The following MTREX variants were observed in gnomAD, a reference collection of about 807,000 sequenced individuals.
MTREX encodes the protein exosome RNA helicase MTR4.
MTREX carries 76 observed loss-of-function variants against 135.4 expected under a neutral mutation model. That is an observed-to-expected ratio of 0.56 (90% CI 0.47 to 0.68). MTREX has a LOEUF of 0.68. Among genes scored for constraint, MTREX ranks in the 30% least tolerant of loss-of-function variants. The pLI is 0.00. For synonymous variants in MTREX, 404 were observed against 401.6 expected (o/e 1.01, Z -0.07); for missense variants, 920 against 1,262.1 (o/e 0.73, Z 4.11).
chr5:55,372,519 C>T (rs554870907), intron 16 of MTREX, among the ~76,000 whole-genome samples: 20 of 152,164 alleles, frequency 1.3e-4, no homozygotes, highest in South Asian at 6.2e-4. Context: ...TGTGGGGATA[C>T]GTGCACTATT....
chr5:55,311,908 C>T (rs1368604122), intron 1 of MTREX, among the ~76,000 whole-genome samples: 1 of 151,960 alleles, frequency 6.6e-6, no homozygotes, highest in Non-Finnish European at 1.5e-5. Flanking sequence ...CAGCTTGTAG[C>T]TTGTATATGT....
chr5:55,400,174 G>T, intron 20 of MTREX, 59 bp from the exon 21 acceptor site: 1 of 1,275,542 alleles, frequency 7.8e-7, no homozygotes, highest in East Asian at 2.3e-5. Context: ...ACACTGATTT[G>T]GTTTGGTCTT....
At chr5:55,345,064 A>C (rs1749707975) in intron 9 of MTREX, 30 bp from the exon 10 acceptor site, 1 of 1,308,338 alleles carries the variant, frequency 7.6e-7, no homozygotes, top group Non-Finnish European at 1.1e-6. Flanking sequence ...AGTATTAGTG[A>C]AGTTACACAG....
intron 10 of MTREX, among the ~76,000 whole-genome samples, chr5:55,345,853 A>G (rs1749724256): frequency 6.6e-6 from 1 of 151,810 alleles, no homozygotes; most frequent in Admixed American, 6.6e-5. Flanking sequence ...TTTTTAGTAG[A>G]GACGGGGTTT....
chr5:55,362,083 A>ATTTTTTTTTTTTTTTTTTTTT (rs35074192), intron 15 of MTREX, among the ~76,000 whole-genome samples: 7 of 111,156 alleles, frequency 6.3e-5, no homozygotes, highest in African/African-American at 2.3e-4. Context: ...CGTCTGGCTA[A>ATTTTTTTTTTTTTTTTTTTTT]TTTTTTTTTT....
intron 20 of MTREX, among the ~76,000 whole-genome samples, chr5:55,398,080 A>T (rs1366341602): frequency 1.3e-5 from 2 of 152,254 alleles, no homozygotes; most frequent in South Asian, 2.1e-4. Context: ...AAACTAATTT[A>T]AAAAGAAATT....
intron 22 of MTREX, among the ~76,000 whole-genome samples, chr5:55,407,103 G>T (rs1165455366): frequency 6.6e-6 from 1 of 152,158 alleles, no homozygotes; most frequent in Non-Finnish European, 1.5e-5. Context: ...ACTCAGCATG[G>T]CCAGGATGGA....
intron 3 of MTREX, among the ~76,000 whole-genome samples, chr5:55,326,862 C>A (rs772531266): frequency 6.6e-6 from 1 of 152,116 alleles, no homozygotes; most frequent in Non-Finnish European, 1.5e-5. Context: ...CCCCACCTCT[C>A]TACAGGCCCC....
intron 1 of MTREX, among the ~76,000 whole-genome samples, chr5:55,311,159 A>G (rs1020149007): frequency 6.6e-6 from 1 of 152,194 alleles, no homozygotes; most frequent in Admixed American, 6.5e-5. Context: ...GAAGAGCTTC[A>G]TGTACTCATA....
At chr5:55,380,812 G>C (rs909795541) in intron 18 of MTREX, among the ~76,000 whole-genome samples, 1 of 152,094 alleles carries the variant, frequency 6.6e-6, no homozygotes, top group Non-Finnish European at 1.5e-5. Flanking sequence ...GGTAATGCAG[G>C]CCTCATAGAA....
intron 1 of MTREX, among the ~76,000 whole-genome samples, chr5:55,309,803 A>G (rs1470946084): frequency 6.6e-6 from 1 of 152,162 alleles, no homozygotes; most frequent in Non-Finnish European, 1.5e-5. Context: ...AAGTGACACA[A>G]CACAGAACTT....
intron 6 of MTREX, among the ~76,000 whole-genome samples, chr5:55,340,407 T>C (rs1362266614): frequency 6.6e-6 from 1 of 152,204 alleles, no homozygotes; most frequent in Non-Finnish European, 1.5e-5. Context: ...GATACATTTT[T>C]TTCTTCAGGT....
intron 22 of MTREX, among the ~76,000 whole-genome samples, chr5:55,409,573 A>G (rs951747231): frequency 6.6e-6 from 1 of 152,202 alleles, no homozygotes. Flanking sequence ...ATGTTTCACA[A>G]TTATGGAGCA....
intron 18 of MTREX, among the ~76,000 whole-genome samples, chr5:55,380,897 C>T (rs1008216668): frequency 5.9e-5 from 9 of 152,112 alleles, no homozygotes; most frequent in Admixed American, 1.3e-4. Flanking sequence ...ATATTTTTTC[C>T]CAATATCTTC....
chr5:55,316,288 AG>A (rs1158057346), intron 1 of MTREX, among the ~76,000 whole-genome samples: 1 of 152,196 alleles, frequency 6.6e-6, no homozygotes, highest in East Asian at 1.9e-4. Context: ...TTATTATGTG[AG>A]GCCAGCATCA....
chr5:55,358,364 A>T (rs1486374297), intron 14 of MTREX, among the ~76,000 whole-genome samples: 3 of 152,152 alleles, frequency 2.0e-5, no homozygotes, highest in South Asian at 2.1e-4. Context: ...TTGTTATGTC[A>T]GTGTGATGTC....
chr5:55,369,648 A>G (rs1195332729), intron 16 of MTREX, among the ~76,000 whole-genome samples: 1 of 152,204 alleles, frequency 6.6e-6, no homozygotes, highest in Non-Finnish European at 1.5e-5. Flanking sequence ...ATGAACTTAA[A>G]CATTCCACCA....
chr5:55,405,359 GAATA>G, intron 21 of MTREX, 62 bp from the exon 22 acceptor site: 1 of 1,353,112 alleles, frequency 7.4e-7, no homozygotes, highest in Admixed American at 2.1e-5. Context: ...TTGATTTCAT[GAATA>G]AATCTCCTTG....
In MTREX at chr5:55,344,570, T is replaced by G; in HGVS notation, c.955T>G (p.Tyr319Asp). 6.2e-7 allele frequency: 1 copy of G among 1,612,434 alleles called. No homozygotes were observed. The highest frequency in any genetic ancestry group is 8.5e-7 in the Non-Finnish European group (1 of 1,178,786). Residue 319 changes from tyrosine to aspartate, a missense_variant, in exon 9 of 27, where the codon TAC becomes GAC. Physicochemically the swap from Tyr to Asp is radical, Grantham distance 160. Coordinates refer to ENST00000230640, the MANE Select transcript of MTREX (RefSeq NM_015360.5). Reference protein sequence around the residue: ...TDYRPTPLQHYIFPAGGDGLH... With the variant: ...TDYRPTPLQHDIFPAGGDGLH... ...TTATCGGCCCACTCCATTGCAACAC[T>G]ACATTTTTCCAGCAGGGGGAGATGG...
Sources: allele counts gnomAD v4.1 joint callset (sites outside exome capture counted in the v4.1 genomes callset), GRCh38; gene constraint gnomAD v4.1.1; transcripts MANE v1.5; gene names NCBI Gene and HGNC (gene_info 2026-07-23, HGNC 2026-07-21).